The following KCNK12 variants were observed in gnomAD, a reference collection of about 807,000 sequenced individuals.
The protein encoded by KCNK12 is potassium channel subfamily K member 12.
In KCNK12, 6 loss-of-function variants were observed where a neutral mutation model predicts 25.3. The ratio of observed to expected loss-of-function variants is 0.24; its 90% confidence interval spans 0.13 to 0.47. KCNK12 has a LOEUF of 0.47. KCNK12 is among the 20% of genes least tolerant of loss of function. The probability of loss-of-function intolerance (pLI) is 0.99; values close to 1 mark genes in which losing one functional copy is unlikely to be tolerated. For missense variants in KCNK12, 444 were observed against 661.7 expected, an observed-to-expected ratio of 0.67 and a Z score of 3.61; for synonymous variants, 331 against 311.1, an observed-to-expected ratio of 1.06 and a Z score of -0.67.
chr2:47,542,272 G>A (rs889496125), intron 1 of KCNK12, among the ~76,000 whole-genome samples: 6 of 152,114 alleles, frequency 3.9e-5, no homozygotes, highest in Non-Finnish European at 8.8e-5. Context: ...GTCTTCCTGA[G>A]GATGCTCAGA....
Position 47,520,726 on chromosome 2 carries a change from TC to T in KCNK12, c.*180del, listed in dbSNP as rs1668631810. On this transcript the variant is annotated 3_prime_UTR_variant, in exon 2 of 2. Coordinates refer to ENST00000327876, the MANE Select transcript of KCNK12 (RefSeq NM_022055.2). This position sits in a 1 kb window ranked among gnomAD's most constrained non-coding sequence, Gnocchi z 5.0. ...AGGGGACTCACAAGGAACACAGGCGTCCCCAAAACCTGCCCTTGATAACATC... is the reference window on the plus strand; with the variant it reads ...AGGGGACTCACAAGGAACACAGGCGTCCCAAAACCTGCCCTTGATAACATC... The T allele has an allele frequency of 7.3e-6, 3 of 412,270 alleles. No individual in the cohort carries two copies. Among genetic ancestry groups the T allele is most frequent in the Admixed American group, 8.9e-5 (2 of 22,532 alleles). 25.5% of individuals were successfully genotyped at this position (412,270 alleles called of 1,614,324 possible). A position where few individuals can be genotyped will look rare whatever the true frequency, so the allele number is the denominator to read the frequency against.
chr2:47,543,055 G>A (rs1669236175), intron 1 of KCNK12, among the ~76,000 whole-genome samples: 1 of 152,096 alleles, frequency 6.6e-6, no homozygotes, highest in Non-Finnish European at 1.5e-5. Flanking sequence ...CTCAGCCTCC[G>A]AGTAGCTGGG....
rs972343427 is a variant in KCNK12 at position 47,548,440 on chromosome 2, A to C, written c.391+21501T>G. Among the ~76,000 whole-genome samples the C allele has an allele frequency of 1.3e-5, 2 of 152,080 alleles. No individual in the cohort carries two copies. Among genetic ancestry groups the C allele is most frequent in the African/African-American group, 4.8e-5 (2 of 41,408 alleles). On this transcript the variant is annotated intron_variant, in intron 1 of 1. Transcript: ENST00000327876. This position sits in a 1 kb window ranked among gnomAD's most constrained non-coding sequence, Gnocchi z 4.4. ...TCCCAACCAGCCCCTCCTTGATTCCACTTCAGCCTTCCCTATCTCAGTAAA... is the reference window on the plus strand; with the variant it reads ...TCCCAACCAGCCCCTCCTTGATTCCCCTTCAGCCTTCCCTATCTCAGTAAA...
At position 47,560,412 on chromosome 2, in the gene KCNK12, C is replaced by T. The variant is rs946656808; in HGVS notation, c.391+9529G>A. Reference sequence around the variant, plus strand: ...TGCCAGAAGCACAGCACAGCCAAATCCCAGAGTCCCCAAACTGTGCTTCAG... The same window carrying T: ...TGCCAGAAGCACAGCACAGCCAAATTCCAGAGTCCCCAAACTGTGCTTCAG... On this transcript the variant is annotated intron_variant, in intron 1 of 1. Coordinates refer to ENST00000327876, the MANE Select transcript of KCNK12 (RefSeq NM_022055.2). The surrounding 1 kb of genome is among the most constrained non-coding windows in gnomAD (Gnocchi z 4.7). Among the ~76,000 whole-genome samples, 2 of 152,214 alleles carry T rather than the reference C, an allele frequency of 1.3e-5. No homozygotes were observed. Among genetic ancestry groups the T allele is most frequent in the Non-Finnish European group, 2.9e-5 (2 of 68,032 alleles).
Position 47,567,549 on chromosome 2 carries a change from A to G in KCNK12, c.391+2392T>C, listed in dbSNP as rs1401829405. Among the ~76,000 whole-genome samples the G allele has an allele frequency of 7.2e-5, 11 of 152,232 alleles. No homozygotes were observed. In the South Asian group the frequency reaches 8.3e-4, roughly 11 times the overall value. On this transcript the variant is annotated intron_variant, in intron 1 of 1. Transcript: ENST00000327876. The stretch of plus-strand genomic sequence containing the variant: ...GCTACTTGGGGATTCAGCAGAACTT[A>G]TCTGACTGATGGAAGTGACCAATTT...
At position 47,547,938 on chromosome 2, in the gene KCNK12, G is replaced by T. The variant is rs150110964; in HGVS notation, c.391+22003C>A. Among the ~76,000 whole-genome samples the T allele has an allele frequency of 5.9e-3, 893 of 152,296 alleles. 1 individual carries two copies. The highest frequency in any genetic ancestry group is 9.5e-3 in the Non-Finnish European group (646 of 68,024). ...TATAATCCCCAATGTTGGAGGAGGG[G>T]CGTGGTGGGAAGTGATTGGAACATG... On this transcript the variant is annotated intron_variant, in intron 1 of 1. Transcript: ENST00000327876. This position sits in a 1 kb window ranked among gnomAD's most constrained non-coding sequence, Gnocchi z 5.0.
In KCNK12 at chr2:47,562,506, G is replaced by A. The variant is rs1669694755; in HGVS notation, c.391+7435C>T. ...GGGGGTTGGCCAAGCGCAGGGAGGAGGCAGCACTCACAAGACAGAGTCCGG... is the reference window on the plus strand; with the variant it reads ...GGGGGTTGGCCAAGCGCAGGGAGGAAGCAGCACTCACAAGACAGAGTCCGG... On this transcript the variant is annotated intron_variant, in intron 1 of 1. Transcript: ENST00000327876. This position sits in a 1 kb window ranked among gnomAD's most constrained non-coding sequence, Gnocchi z 4.8. The A allele has an allele frequency of 4.2e-6, 1 of 240,518 alleles. No homozygotes were observed. 14.9% of individuals were successfully genotyped at this position (240,518 alleles called of 1,614,324 possible).
In KCNK12 at chr2:47,519,513, T is replaced by G. The variant is rs1345934492; in HGVS notation, c.*1394A>C. On this transcript the variant is annotated 3_prime_UTR_variant, in exon 2 of 2. Transcript: ENST00000327876. ...AAAAATGGGCAGAGAGAGTGTTCGT[T>G]TACACCCCCAGACCACTATCCTTTC... 2.0e-5 allele frequency: 3 copies of G among 152,152 alleles called. No individual in the cohort carries two copies. Among genetic ancestry groups the G allele is most frequent in the African/African-American group, 7.2e-5 (3 of 41,412 alleles). The allele number at this position is 152,152 out of a possible 1,614,324, so 9.4% of individuals were successfully genotyped here.
In KCNK12 at chr2:47,516,549, TGACA is replaced by T. The variant is rs1668528846; in HGVS notation, c.*4354_*4357del. ...TGGAAGATGGGGAGGCAGGCGGCTC[TGACA>T]GACAGAAAGCAAACAGCTCAGAGGG... On this transcript the variant is annotated 3_prime_UTR_variant, in exon 2 of 2. Coordinates refer to ENST00000327876, the MANE Select transcript of KCNK12 (RefSeq NM_022055.2). The T allele has an allele frequency of 6.6e-6, 1 of 152,282 alleles. No homozygotes were observed. 9.4% of individuals were successfully genotyped at this position (152,282 alleles called of 1,614,324 possible).
At position 47,529,259 on chromosome 2, in the gene KCNK12, G is replaced by A. The variant is rs1668865393; in HGVS notation, c.392-7451C>T. Reference sequence around the variant, plus strand: ...GCTGTTCCAAGCAACTGGGACACATGATTAAAATGCAGATTCCATGGCAGG... The same window carrying A: ...GCTGTTCCAAGCAACTGGGACACATAATTAAAATGCAGATTCCATGGCAGG... On this transcript the variant is annotated intron_variant, in intron 1 of 1. Transcript: ENST00000327876. The surrounding 1 kb of genome is among the most constrained non-coding windows in gnomAD (Gnocchi z 4.3). The A allele has an allele frequency of 2.0e-5, 3 of 152,196 alleles. No individual in the cohort carries two copies. The highest frequency in any genetic ancestry group is 2.9e-5 in the Non-Finnish European group (2 of 68,040). The allele number at this position is 152,196 out of a possible 1,614,324, so 9.4% of individuals were successfully genotyped here. A position where few individuals can be genotyped will look rare whatever the true frequency, so the allele number is the denominator to read the frequency against.
chr2:47,570,028 C>A lies in KCNK12; in HGVS notation c.304G>T (p.Ala102Ser). ...AGCGCGTCGGCGCGGACGCCGGCGGCCAGCGCGGCCTCGTAGTGCCGGAGG... is the reference window on the plus strand; with the variant it reads ...AGCGCGTCGGCGCGGACGCCGGCGGACAGCGCGGCCTCGTAGTGCCGGAGG... ...AFLRHYEAAL[A>S]AGVRADALRP... The change falls in exon 1 of 2, where the codon GCC (alanine) becomes TCC (serine). Residue 102 changes from alanine to serine, a missense_variant. Physicochemically the swap from Ala to Ser is moderately conservative, Grantham distance 99. Coordinates refer to ENST00000327876, the MANE Select transcript of KCNK12 (RefSeq NM_022055.2). 1 of 1,422,236 alleles carries A rather than the reference C, an allele frequency of 7.0e-7. No homozygotes were observed. The highest frequency in any genetic ancestry group is 9.2e-7 in the Non-Finnish European group (1 of 1,088,302). The allele number at this position is 1,422,236 out of a possible 1,614,324, so 88.1% of individuals were successfully genotyped here.
chr2:47,570,475 C>T lies in KCNK12; in HGVS notation c.-144G>A, dbSNP rs113538281. 96,269 of 878,636 alleles carry T rather than the reference C, an allele frequency of 0.11. 5,901 individuals carry two copies. The highest frequency in any genetic ancestry group is 0.24 in the Admixed American group (5,233 of 21,530). 54.4% of individuals were successfully genotyped at this position (878,636 alleles called of 1,614,324 possible). A position where few individuals can be genotyped will look rare whatever the true frequency, so the allele number is the denominator to read the frequency against. ...TCGCCGCCTTCGCAGAGCCCCTCGTCGCCTTCCCAGAGCCCGGACAGAGGG... is the reference window on the plus strand; with the variant it reads ...TCGCCGCCTTCGCAGAGCCCCTCGTTGCCTTCCCAGAGCCCGGACAGAGGG... On this transcript the variant is annotated 5_prime_UTR_variant, in exon 1 of 2. Transcript: ENST00000327876.
chr2:47,521,922 G>C (rs1306230611), intron 1 of KCNK12, 114 bp from the exon 2 acceptor site: 2 of 835,468 alleles, frequency 2.4e-6, no homozygotes, highest in Non-Finnish European at 3.6e-6. Flanking sequence ...CTCCTATCTC[G>C]AGTGGCACCA....
At chr2:47,526,318 A>AT (rs1668772184) in intron 1 of KCNK12, among the ~76,000 whole-genome samples, 1 of 150,712 alleles carries the variant, frequency 6.6e-6, no homozygotes, top group African/African-American at 2.4e-5. Flanking sequence ...AGGCAGGAGA[A>AT]TGCCGTGAAC....
chr2:47,558,708 G>A (rs1250525696), intron 1 of KCNK12, among the ~76,000 whole-genome samples: 3 of 152,188 alleles, frequency 2.0e-5, no homozygotes, highest in Non-Finnish European at 2.9e-5. Flanking sequence ...GGAGTCACGC[G>A]GAGTGCGATT....
rs1490516396 is a variant in KCNK12 at position 47,566,597 on chromosome 2, A to C, written c.391+3344T>G. 2 of 152,136 alleles carry C rather than the reference A, an allele frequency of 1.3e-5. No homozygotes were observed. Among genetic ancestry groups the C allele is most frequent in the Non-Finnish European group, 2.9e-5 (2 of 68,028 alleles). 9.4% of individuals were successfully genotyped at this position (152,136 alleles called of 1,614,324 possible). On this transcript the variant is annotated intron_variant, in intron 1 of 1. Transcript: ENST00000327876. The surrounding 1 kb of genome is among the most constrained non-coding windows in gnomAD (Gnocchi z 4.1). ...TAACTAAGACCTGCCAGATGCTTCTAACTTGTCTGGCCTGTAAATCTGTCT... is the reference window on the plus strand; with the variant it reads ...TAACTAAGACCTGCCAGATGCTTCTCACTTGTCTGGCCTGTAAATCTGTCT...
chr2:47,521,205 C>T lies in KCNK12; in HGVS notation c.995G>A (p.Arg332His). Residue 332 changes from arginine (R) to histidine (H), a missense_variant, in exon 2 of 2, where the codon CGC (arginine) becomes CAC (histidine). By Grantham distance (29) the Arg-to-His change is conservative (BLOSUM62 0). Transcript: ENST00000327876. ...CPAPGAPLAR[R>H]NAITPGSRLR... ...CCGGGAGCCTGGGGTGATGGCATTGCGCCGGGCCAGGGGCGCGCCAGGAGC... is the reference window on the plus strand; with the variant it reads ...CCGGGAGCCTGGGGTGATGGCATTGTGCCGGGCCAGGGGCGCGCCAGGAGC... The T allele has an allele frequency of 3.2e-6, 5 of 1,540,748 alleles. No individual in the cohort carries two copies. The highest frequency in any genetic ancestry group is 4.4e-6 in the Non-Finnish European group (5 of 1,144,200).
Position 47,521,226 on chromosome 2 carries a change from G to A in KCNK12, c.974C>T (p.Pro325Leu). 1 of 1,593,198 alleles carries A rather than the reference G, an allele frequency of 6.3e-7. No individual in the cohort carries two copies. Among genetic ancestry groups the A allele is most frequent in the Non-Finnish European group, 8.5e-7 (1 of 1,170,270 alleles). Residue 325 changes from proline to leucine, a missense_variant, in exon 2 of 2, where the codon CCT becomes CTT. Transcript: ENST00000327876. ...ATTGCGCCGGGCCAGGGGCGCGCCA[G>A]GAGCCGGGCAGCAGCGCGCGCAGCA... ...CRCCARCCPA[P>L]GAPLARRNAI...
rs1336787736 is a variant in KCNK12 at position 47,528,212 on chromosome 2, A to G, written c.392-6404T>C. On this transcript the variant is annotated intron_variant, in intron 1 of 1. Transcript: ENST00000327876. The surrounding 1 kb of genome is among the most constrained non-coding windows in gnomAD (Gnocchi z 4.5). ...CAGGTGAGGCAGAAGGGTCTCCGAC[A>G]GCGCACAGGGCAACCAGTGAAAGCG... 6.6e-6 allele frequency: 1 copy of G among 152,350 alleles called. No homozygotes were observed. Among genetic ancestry groups the G allele is most frequent in the Non-Finnish European group, 1.5e-5 (1 of 68,130 alleles). The allele number at this position is 152,350 out of a possible 1,614,324, so 9.4% of individuals were successfully genotyped here.
Sources: allele counts gnomAD v4.1 joint callset (sites outside exome capture counted in the v4.1 genomes callset), GRCh38; gene constraint gnomAD v4.1.1; non-coding constraint Gnocchi (gnomAD v3.1); transcripts MANE v1.5; gene names NCBI Gene and HGNC (gene_info 2026-07-23, HGNC 2026-07-21).